Variants in MYO1D observed in about 807,000 individuals in gnomAD.
The protein encoded by MYO1D is myosin ID.
A neutral mutation model predicts 122.0 loss-of-function variants in MYO1D; 83 were observed. The observed-to-expected ratio is 0.68, with a 90% CI of 0.57 to 0.82. The LOEUF (loss-of-function observed/expected upper bound fraction) is 0.82. Ranked by LOEUF, MYO1D falls within the 40% of genes least tolerant of loss-of-function variation. MYO1D has a pLI of 0.00. For synonymous variants in MYO1D, 464 were observed against 446.9 expected (o/e 1.04, Z -0.48); for missense variants, 1,157 against 1,269.5 (o/e 0.91, Z 1.35).
chr17:32,834,072 T>C (rs1324054330), intron 1 of MYO1D, among the ~76,000 whole-genome samples: 1 of 152,192 alleles, frequency 6.6e-6, no homozygotes, highest in African/African-American at 2.4e-5. Context: ...GCTTACTATT[T>C]TACCTGTCAA....
chr17:32,853,233 C>A (rs1208319459), intron 1 of MYO1D, among the ~76,000 whole-genome samples: 1 of 152,202 alleles, frequency 6.6e-6, no homozygotes, highest in Non-Finnish European at 1.5e-5. Flanking sequence ...TGGACTCTTT[C>A]AACAATTTCC....
chr17:32,553,772 C>G (rs1484358696), intron 21 of MYO1D, among the ~76,000 whole-genome samples: 1 of 152,080 alleles, frequency 6.6e-6, no homozygotes, highest in African/African-American at 2.4e-5. Flanking sequence ...TGTTTTTCTT[C>G]TTCTTCTCCA....
intron 1 of MYO1D, among the ~76,000 whole-genome samples, chr17:32,811,711 C>T (rs1379460192): frequency 9.4e-5 from 13 of 137,928 alleles, no homozygotes; most frequent in Non-Finnish European, 1.5e-5. Context: ...AAATGGAATG[C>T]TATCCCCAGC....
intron 1 of MYO1D, among the ~76,000 whole-genome samples, chr17:32,795,824 G>A (rs2090410140): frequency 6.6e-6 from 1 of 151,640 alleles, no homozygotes. Context: ...AGTTACGTCA[G>A]ACTACGACAC....
chr17:32,560,528 C>CCTATATATATATATATAT lies in MYO1D; in HGVS notation c.2864+44558_2864+44559insATATATATATATATATAG, dbSNP rs1233632484. Among the ~76,000 whole-genome samples the CCTATATATATATATATAT allele has an allele frequency of 2.6e-4, 17 of 65,442 alleles. 4 individuals carry two copies. Among genetic ancestry groups the CCTATATATATATATATAT allele is most frequent in the African/African-American group, 6.0e-4 (12 of 19,852 alleles). The allele number at this position is 65,442 out of a possible 152,430, so 42.9% of individuals were successfully genotyped here. A position where few individuals can be genotyped will look rare whatever the true frequency, so the allele number is the denominator to read the frequency against. ...AAAAAAAAGTAATACCCAGAGACAA[C>CCTATATATATATATATAT]ATATATATATATATATATATATATA... On this transcript the variant is annotated intron_variant, in intron 21 of 21. Transcript: ENST00000318217.
At chr17:32,691,579 G>C (rs1379939991) in intron 16 of MYO1D, among the ~76,000 whole-genome samples, 2 of 151,644 alleles carry the variant, frequency 1.3e-5, no homozygotes, top group East Asian at 3.9e-4. Context: ...GTTAATTTTT[G>C]TATTTTTAGT....
Position 32,760,390 on chromosome 17 carries a change from C to G in MYO1D, c.1196G>C (p.Cys399Ser). ...CAGTTTCTCATTGCAGTAATTGATACAGAATTGTTCAAAACTACAAGAAAA... is the reference window on the plus strand; with the variant it reads ...CAGTTTCTCATTGCAGTAATTGATAGAGAATTGTTCAAAACTACAAGAAAA... ...IFDNNSFEQF[C>S]INYCNEKLQQ... Residue 399 changes from cysteine (C) to serine (S), a missense_variant, in exon 10 of 22, where the codon TGT becomes TCT. Coordinates refer to ENST00000318217, the MANE Select transcript of MYO1D (RefSeq NM_015194.3). The G allele has an allele frequency of 6.2e-7, 1 of 1,609,366 alleles. No individual in the cohort carries two copies. The highest frequency in any genetic ancestry group is 8.5e-7 in the Non-Finnish European group (1 of 1,176,410).
At chr17:32,732,491 G>C (rs2089652696) in intron 14 of MYO1D, among the ~76,000 whole-genome samples, 1 of 152,148 alleles carries the variant, frequency 6.6e-6, no homozygotes, top group African/African-American at 2.4e-5. Context: ...GAGCTGAGCA[G>C]ATGATGGGAC....
chr17:32,721,035 T>C lies in MYO1D; in HGVS notation c.1901A>G (p.Lys634Arg), dbSNP rs779477159. ...AGFAFRQTYE[K>R]FLHRYKMISE... ...AGTCTATTCTCACCTGTGAAGAAAC[T>C]TCTCGTATGTCTGGCGGAAGGCAAA... Residue 634 changes from lysine (K) to arginine (R), a missense_variant, in exon 15 of 22, where the codon AAG becomes AGG. By Grantham distance (26) the Lys-to-Arg change is conservative (BLOSUM62 2). Coordinates refer to ENST00000318217, the MANE Select transcript of MYO1D (RefSeq NM_015194.3). 1 of 1,613,964 alleles carries C rather than the reference T, an allele frequency of 6.2e-7. No homozygotes were observed. Among genetic ancestry groups the C allele is most frequent in the Non-Finnish European group, 8.5e-7 (1 of 1,179,968 alleles).
intron 14 of MYO1D, among the ~76,000 whole-genome samples, chr17:32,726,705 C>G (rs921984270): frequency 1.1e-4 from 17 of 148,638 alleles, no homozygotes; most frequent in Admixed American, 1.0e-3. Flanking sequence ...ACATCTATAT[C>G]TAATATAATA....
intron 16 of MYO1D, among the ~76,000 whole-genome samples, chr17:32,707,964 C>A (rs1163243633): frequency 1.3e-5 from 2 of 152,186 alleles, no homozygotes; most frequent in Non-Finnish European, 2.9e-5. Context: ...TCTTGGAAGC[C>A]TGCTCCTGGT....
At chr17:32,749,783 C>A (rs116227196) in intron 11 of MYO1D, among the ~76,000 whole-genome samples, 2 of 152,250 alleles carry the variant, frequency 1.3e-5, no homozygotes, top group Admixed American at 1.3e-4. Flanking sequence ...GTCCAGCCTA[C>A]CCTGACTGAT....
In MYO1D at chr17:32,755,631, T is replaced by C. The variant is rs1168907675; in HGVS notation, c.1328A>G (p.Asp443Gly). The C allele has an allele frequency of 6.2e-7, 1 of 1,613,518 alleles. No individual in the cohort carries two copies. The highest frequency in any genetic ancestry group is 2.2e-5 in the East Asian group (1 of 44,866). ...IDYFNNQIIV[D>G]LVEQQHKGII... ...CCCTTTGTGCTGTTGCTCCACGAGG[T>C]CAACAATGATCTGATTGTTGAAGTA... The change falls in exon 11 of 22, where the codon GAC becomes GGC. Residue 443 changes from aspartate (D) to glycine (G), a missense_variant. Asp to Gly is a moderately conservative substitution (Grantham distance 94). Transcript: ENST00000318217.
At chr17:32,815,825 G>A (rs1188015476) in intron 1 of MYO1D, among the ~76,000 whole-genome samples, 1 of 152,184 alleles carries the variant, frequency 6.6e-6, no homozygotes, top group African/African-American at 2.4e-5. Context: ...TAGACCACAA[G>A]CCCCAGTTTC....
intron 21 of MYO1D, among the ~76,000 whole-genome samples, chr17:32,543,359 G>A (rs528170504): frequency 1.9e-4 from 29 of 151,602 alleles, no homozygotes; most frequent in African/African-American, 3.1e-4. Flanking sequence ...GGCAGATCAC[G>A]AGGTTAGGAG....
intron 21 of MYO1D, among the ~76,000 whole-genome samples, chr17:32,528,059 G>C (rs1266769941): frequency 2.0e-5 from 3 of 152,122 alleles, no homozygotes; most frequent in Admixed American, 6.5e-5. Flanking sequence ...GGCTGGTCTC[G>C]AACTCCTGAC....
intron 1 of MYO1D, among the ~76,000 whole-genome samples, chr17:32,875,356 A>C (rs1302207333): frequency 1.3e-5 from 2 of 152,226 alleles, no homozygotes; most frequent in Admixed American, 6.5e-5. Flanking sequence ...CAGTTTTACT[A>C]ATATGGATTT....
intron 1 of MYO1D, among the ~76,000 whole-genome samples, chr17:32,796,039 G>A (rs190869652): frequency 8.5e-5 from 13 of 152,162 alleles, no homozygotes; most frequent in Non-Finnish European, 1.6e-4. Flanking sequence ...TGACAGGCAT[G>A]AAGATTTAAA....
At chr17:32,781,861 T>C (rs2090242845) in intron 1 of MYO1D, among the ~76,000 whole-genome samples, 2 of 152,234 alleles carry the variant, frequency 1.3e-5, no homozygotes, top group Admixed American at 6.5e-5. Context: ...CCACTGTTTT[T>C]ACACAGTAAT....
Sources: gnomAD v4.1 joint callset for allele counts (sites outside exome capture counted in the v4.1 genomes callset) on GRCh38, gnomAD v4.1.1 for gene constraint, MANE v1.5 for transcripts, NCBI Gene and HGNC (gene_info 2026-07-23, HGNC 2026-07-21) for gene names.